Variants in CMSS1 observed in about 807,000 individuals in gnomAD.
CMSS1 encodes protein CMSS1.
CMSS1 carries 33 observed loss-of-function variants against 43.5 expected under a neutral mutation model. The ratio of observed to expected loss-of-function variants is 0.76; its 90% CI spans 0.57 to 1.01. CMSS1 has a LOEUF of 1.01. Ranked by LOEUF, CMSS1 falls within the 50% of genes least tolerant of loss-of-function variation. The pLI, the probability that CMSS1 is intolerant of heterozygous loss-of-function variation, is 0.00. For missense variants in CMSS1, 313 were observed against 326.4 expected, an observed-to-expected ratio of 0.96 and a Z score of 0.32; for synonymous variants, 115 against 117.2, an observed-to-expected ratio of 0.98 and a Z score of 0.12.
intron 1 of CMSS1, among the ~76,000 whole-genome samples, chr3:99,821,816 TG>T (rs1266465280): frequency 2.6e-5 from 4 of 152,040 alleles, no homozygotes; most frequent in Non-Finnish European, 4.4e-5. Context: ...GAGGCCAAGG[TG>T]GGCAGATCAC....
At chr3:99,823,862 G>A (rs1051266170) in intron 1 of CMSS1, among the ~76,000 whole-genome samples, 5 of 151,456 alleles carry the variant, frequency 3.3e-5, no homozygotes, top group East Asian at 1.9e-4. Flanking sequence ...TTACTTAGCC[G>A]TTTGTGTTAG....
chr3:99,933,402 G>A (rs1041120600), intron 1 of CMSS1, among the ~76,000 whole-genome samples: 1 of 152,126 alleles, frequency 6.6e-6, no homozygotes, highest in African/African-American at 2.4e-5. Context: ...TGTAGGAATG[G>A]GAGGTTGGGG....
rs1017370509 is a variant in CMSS1, at chr3:100,180,600, C to T, written c.*2212C>T. ...CTCCAGTTCCTGATAAGTTCCTCAT[C>T]TCCATTTGAGACCACCTCAGCCTGG... On this transcript the variant is annotated 3_prime_UTR_variant, in exon 10 of 10. Transcript: ENST00000421999. The T allele has an allele frequency of 1.3e-5, 2 of 152,408 alleles. No individual in the cohort carries two copies. The highest frequency in any genetic ancestry group is 2.9e-5 in the Non-Finnish European group (2 of 68,192). 9.4% of individuals were successfully genotyped at this position (152,408 alleles called of 1,614,324 possible).
intron 1 of CMSS1, chr3:99,876,352 G>A (rs1054511737): frequency 1.3e-5 from 5 of 389,072 alleles, no homozygotes; most frequent in African/African-American, 2.2e-5. Context: ...TGAACGGACC[G>A]TGGTTCCCGG....
chr3:99,919,121 G>C (rs533091940), intron 1 of CMSS1, among the ~76,000 whole-genome samples: 3 of 152,122 alleles, frequency 2.0e-5, no homozygotes, highest in African/African-American at 7.2e-5. Flanking sequence ...CTTAAAAGCT[G>C]AGATTTAAGA....
At chr3:99,837,306 C>G (rs1029438724) in intron 1 of CMSS1, among the ~76,000 whole-genome samples, 1 of 152,062 alleles carries the variant, frequency 6.6e-6, no homozygotes, top group Non-Finnish European at 1.5e-5. Context: ...TAGTTAGCTC[C>G]TGTTTATATA....
chr3:99,983,450 ATATATATATGTG>A (rs1559713608), intron 1 of CMSS1, among the ~76,000 whole-genome samples: 2 of 10,086 alleles, frequency 2.0e-4, no homozygotes, highest in African/African-American at 2.9e-4. Context: ...ATGTATGTAT[ATATATATATGTG>A]TGTATATATA....
chr3:100,049,057 A>G (rs2065325875), intron 1 of CMSS1, among the ~76,000 whole-genome samples: 2 of 152,332 alleles, frequency 1.3e-5, no homozygotes, highest in Admixed American at 1.3e-4. Flanking sequence ...TGCCAGAAAC[A>G]AAGTCGATGT....
intron 1 of CMSS1, chr3:100,025,634 T>C (rs1224705966): frequency 1.3e-5 from 2 of 152,170 alleles, no homozygotes; most frequent in African/African-American, 4.8e-5. Flanking sequence ...AAACAAGTCT[T>C]TGGGTTCATG....
chr3:100,144,691 G>A (rs1470924083), intron 1 of CMSS1, among the ~76,000 whole-genome samples: 1 of 152,166 alleles, frequency 6.6e-6, no homozygotes, highest in African/African-American at 2.4e-5. Flanking sequence ...GTTATTGTCT[G>A]AAAGGTTTTA....
intron 1 of CMSS1, among the ~76,000 whole-genome samples, chr3:100,056,047 A>G (rs919023450): frequency 6.6e-6 from 1 of 152,214 alleles, no homozygotes; most frequent in Non-Finnish European, 1.5e-5. Flanking sequence ...GTAAAAGAAG[A>G]TTCATATTTG....
intron 1 of CMSS1, among the ~76,000 whole-genome samples, chr3:99,957,565 C>T (rs1229370174): frequency 5.3e-5 from 8 of 151,908 alleles, no homozygotes; most frequent in Non-Finnish European, 8.8e-5. Context: ...TCTTTAATAC[C>T]GTAAACAGTT....
At chr3:100,121,614 T>A (rs1464205816) in intron 1 of CMSS1, among the ~76,000 whole-genome samples, 1 of 152,214 alleles carries the variant, frequency 6.6e-6, no homozygotes, top group Non-Finnish European at 1.5e-5. Flanking sequence ...TATGTCTTTA[T>A]CATAGAATGA....
chr3:100,019,940 G>A (rs1043192790), intron 1 of CMSS1, among the ~76,000 whole-genome samples: 4 of 152,052 alleles, frequency 2.6e-5, no homozygotes, highest in African/African-American at 7.2e-5. Flanking sequence ...GGGCAGGGGG[G>A]AATGTGGCAC....
chr3:100,132,908 A>G (rs1322437544), intron 1 of CMSS1, among the ~76,000 whole-genome samples: 1 of 151,694 alleles, frequency 6.6e-6, no homozygotes, highest in Non-Finnish European at 1.5e-5. Context: ...ATTTTTACCT[A>G]TTTACAATAT....
At chr3:99,845,036 G>A (rs1306199024) in intron 1 of CMSS1, among the ~76,000 whole-genome samples, 1 of 152,160 alleles carries the variant, frequency 6.6e-6, no homozygotes, top group Non-Finnish European at 1.5e-5. Context: ...TAAAACTGGT[G>A]TCATGAAGAC....
At chr3:100,012,345 C>T in intron 1 of CMSS1, among the ~76,000 whole-genome samples, 1 of 152,054 alleles carries the variant, frequency 6.6e-6, no homozygotes, top group South Asian at 2.1e-4. Flanking sequence ...ATTTTCTTTC[C>T]TGAGAATCTC....
At chr3:100,081,311 AT>A (rs2065928534) in intron 1 of CMSS1, among the ~76,000 whole-genome samples, 1 of 152,198 alleles carries the variant, frequency 6.6e-6, no homozygotes, top group Non-Finnish European at 1.5e-5. Context: ...TGTAAAACAA[AT>A]TATATACCAT....
chr3:100,039,765 T>G (rs2065171289), intron 1 of CMSS1: 1 of 151,990 alleles, frequency 6.6e-6, no homozygotes, highest in Non-Finnish European at 1.5e-5. Flanking sequence ...TCTTTTTTTT[T>G]TTTTTTGAGA....
Sources: allele counts gnomAD v4.1 joint callset (sites outside exome capture counted in the v4.1 genomes callset), GRCh38; gene constraint gnomAD v4.1.1; transcripts MANE v1.5; gene names NCBI Gene and HGNC (gene_info 2026-07-23, HGNC 2026-07-21).